Variants in HSD17B12 observed in about 807,000 individuals in gnomAD.
The protein encoded by HSD17B12 is very-long-chain 3-oxoacyl-CoA reductase.
A neutral mutation model predicts 39.3 loss-of-function variants in HSD17B12; 32 were observed. The ratio of observed to expected loss-of-function variants is 0.81; its 90% confidence interval spans 0.61 to 1.09. The LOEUF (loss-of-function observed/expected upper bound fraction) is 1.09, where lower values mean the gene tolerates loss of function less well. Among genes scored for constraint, HSD17B12 ranks in the 50% least tolerant of loss-of-function variants. The pLI is 0.00. For synonymous variants in HSD17B12, 150 were observed against 146.7 expected, an observed-to-expected ratio of 1.02 and a Z score of -0.16; for missense variants, 342 against 382.9, an observed-to-expected ratio of 0.89 and a Z score of 0.89.
the HSD17B12 span, chr11:43,581,574 C>G: frequency 2.5e-6 from 1 of 404,212 alleles, no homozygotes; most frequent in South Asian, 1.8e-5. The surrounding 1 kb of genome is among the most constrained non-coding windows in gnomAD (Gnocchi z 4.9). Flanking sequence ...GGCCCTTTCC[C>G]CGTTTTCCAC....
chr11:43,794,581 A>G (rs1950899329), intron 3 of HSD17B12, among the ~76,000 whole-genome samples: 1 of 152,250 alleles, frequency 6.6e-6, no homozygotes, highest in Non-Finnish European at 1.5e-5. Context: ...TGGAATCAGA[A>G]TCTTGTAGGT....
chr11:43,755,946 G>A (rs1207012008), intron 3 of HSD17B12, among the ~76,000 whole-genome samples: 1 of 152,164 alleles, frequency 6.6e-6, no homozygotes, highest in East Asian at 1.9e-4. Context: ...AAGGTGAAAG[G>A]CACGTCTTAC....
chr11:43,806,070 G>C (rs1037589246), intron 4 of HSD17B12, among the ~76,000 whole-genome samples: 1 of 152,176 alleles, frequency 6.6e-6, no homozygotes, highest in Non-Finnish European at 1.5e-5. Context: ...TGTCCTGGTG[G>C]AGTCAGGACA....
chr11:43,827,124 A>T (rs1304255938), intron 6 of HSD17B12, among the ~76,000 whole-genome samples: 3 of 152,168 alleles, frequency 2.0e-5, no homozygotes, highest in Non-Finnish European at 4.4e-5. Flanking sequence ...TATTTGTGGT[A>T]TCCTAATTCT....
At chr11:43,847,536 C>T (rs1334727664) in intron 9 of HSD17B12, among the ~76,000 whole-genome samples, 1 of 151,892 alleles carries the variant, frequency 6.6e-6, no homozygotes, top group East Asian at 1.9e-4. Context: ...GAGACACTGT[C>T]TCTACAAAAA....
At chr11:43,698,688 T>C (rs1590669868) in intron 1 of HSD17B12, among the ~76,000 whole-genome samples, 1 of 152,232 alleles carries the variant, frequency 6.6e-6, no homozygotes, top group Non-Finnish European at 1.5e-5. Context: ...TTGTCTAAGA[T>C]ATTAAGAGTC....
chr11:43,844,273 C>T (rs963423917), intron 9 of HSD17B12, among the ~76,000 whole-genome samples: 2 of 152,172 alleles, frequency 1.3e-5, no homozygotes, highest in Non-Finnish European at 2.9e-5. Context: ...TTGCATTTCT[C>T]TCCCCATCTT....
intron 3 of HSD17B12, among the ~76,000 whole-genome samples, chr11:43,763,356 A>G (rs1348613536): frequency 6.6e-6 from 1 of 152,060 alleles, no homozygotes; most frequent in Non-Finnish European, 1.5e-5. Flanking sequence ...CAACATGACA[A>G]AAGTCAACAC....
chr11:43,835,007 T>G (rs1343753697), intron 7 of HSD17B12, among the ~76,000 whole-genome samples: 1 of 152,158 alleles, frequency 6.6e-6, no homozygotes, highest in African/African-American at 2.4e-5. Flanking sequence ...CAGAAAACAT[T>G]GCTTGACTTG....
intron 1 of HSD17B12, among the ~76,000 whole-genome samples, chr11:43,695,164 G>T (rs1335745732): frequency 6.6e-6 from 1 of 151,942 alleles, no homozygotes. Context: ...GGAAACACTG[G>T]ACTAGCCCTA....
chr11:43,620,440 A>T, the HSD17B12 span, among the ~76,000 whole-genome samples: 1 of 152,228 alleles, frequency 6.6e-6, no homozygotes, highest in Non-Finnish European at 1.5e-5. Flanking sequence ...GCTAATAATA[A>T]CATAATTTAT....
At chr11:43,598,213 G>A in the HSD17B12 span, among the ~76,000 whole-genome samples, 2 of 152,120 alleles carry the variant, frequency 1.3e-5, no homozygotes, top group Non-Finnish European at 2.9e-5. Context: ...TGGGTCACTT[G>A]TGATTCTTTG....
At chr11:43,619,202 TATATATATATAAAATATATATATATG>T in the HSD17B12 span, among the ~76,000 whole-genome samples, 443 of 53,792 alleles carry the variant, frequency 8.2e-3, 8 homozygotes, top group Non-Finnish European at 8.8e-3. Context: ...ATATATGATA[TATATATATATAAAATATATATATATG>T]ATATATATAT....
At chr11:43,714,605 G>A (rs1156487465) in intron 1 of HSD17B12, among the ~76,000 whole-genome samples, 4 of 152,050 alleles carry the variant, frequency 2.6e-5, no homozygotes, top group Admixed American at 6.6e-5. Flanking sequence ...TTGGTGATGC[G>A]GGCTCTTTTT....
rs1590325635 is a variant in HSD17B12 at position 43,817,936 on chromosome 11, G to A, written c.501+1545G>A. On this transcript the variant is annotated intron_variant, in intron 6 of 10. Transcript: ENST00000278353. The stretch of plus-strand genomic sequence containing the variant: ...TTGAATTTGTAGATTGCTTTTGGCA[G>A]TATGGTCATTTTCACAATATTGATT... Among the ~76,000 whole-genome samples the A allele has an allele frequency of 3.3e-5, 5 of 152,122 alleles. No homozygotes were observed. In the South Asian group the frequency reaches 8.3e-4, roughly 25 times the overall value.
At chr11:43,583,317 G>T in the HSD17B12 span, among the ~76,000 whole-genome samples, 1 of 152,346 alleles carries the variant, frequency 6.6e-6, no homozygotes, top group Non-Finnish European at 1.5e-5. Context: ...ACCCGGCGTC[G>T]TGCGGCACCG....
At chr11:43,603,095 G>A in the HSD17B12 span, among the ~76,000 whole-genome samples, 7 of 152,122 alleles carry the variant, frequency 4.6e-5, no homozygotes, top group African/African-American at 1.7e-4. Context: ...CATCAAGACT[G>A]GCAGAATACT....
chr11:43,690,394 A>ATTTT (rs1565049772), intron 1 of HSD17B12, among the ~76,000 whole-genome samples: 2 of 23,564 alleles, frequency 8.5e-5, no homozygotes, highest in Non-Finnish European at 1.4e-4. Flanking sequence ...ATATATATAT[A>ATTTT]TATATATATA....
chr11:43,609,416 A>G, the HSD17B12 span, among the ~76,000 whole-genome samples: 1 of 151,642 alleles, frequency 6.6e-6, no homozygotes, highest in East Asian at 1.9e-4. Context: ...TCCAGGCTGG[A>G]GTGCAGTGGT....
Sources: gnomAD v4.1 joint callset for allele counts (sites outside exome capture counted in the v4.1 genomes callset) on GRCh38, gnomAD v4.1.1 for gene constraint, Gnocchi (gnomAD v3.1) non-coding constraint, MANE v1.5 for transcripts, NCBI Gene and HGNC (gene_info 2026-07-23, HGNC 2026-07-21) for gene names.